Variants in ELOVL2 observed in about 807,000 individuals in gnomAD.
ELOVL2 encodes the protein very long chain fatty acid elongase 2.
A neutral mutation model predicts 37.7 loss-of-function variants in ELOVL2; 38 were observed. That is an observed-to-expected ratio of 1.01 (90% CI 0.78 to 1.32). ELOVL2 has a LOEUF of 1.32. Ranked by LOEUF, ELOVL2 falls within the 40% of genes most tolerant of loss-of-function variation. The pLI is 0.00. For synonymous variants in ELOVL2, 115 were observed against 122.3 expected, an observed-to-expected ratio of 0.94 and a Z score of 0.40; for missense variants, 352 against 363.6, an observed-to-expected ratio of 0.97 and a Z score of 0.26.
intron 5 of ELOVL2, 138 bp from the exon 6 acceptor site, chr6:10,990,580 TAATA>T: frequency 2.6e-6 from 2 of 769,286 alleles, no homozygotes; most frequent in Non-Finnish European, 3.7e-6. Flanking sequence ...AAATCCACAC[TAATA>T]AATTCCCCAA....
In ELOVL2 at chr6:11,032,691, A is replaced by G. The variant is rs371087072; in HGVS notation, c.3+11537T>C. Among the ~76,000 whole-genome samples the G allele has an allele frequency of 7.2e-5, 11 of 152,368 alleles. No homozygotes were observed. The East Asian group carries it at 1.9e-3, about 27-fold the overall frequency. ...TCATTTATCAGACAAGTATTATTTG[A>G]GCATCTACTGTCTGCAGGTACCTTT... On this transcript the variant is annotated intron_variant, in intron 1 of 7. Coordinates refer to ENST00000354666, the MANE Select transcript of ELOVL2 (RefSeq NM_017770.4).
intron 4 of ELOVL2, among the ~76,000 whole-genome samples, chr6:10,999,565 G>A (rs1457218157): frequency 3.3e-5 from 5 of 151,858 alleles, no homozygotes; most frequent in Admixed American, 1.3e-4. Flanking sequence ...TAGTAGAGAC[G>A]GGGTTTCACT....
intron 1 of ELOVL2, among the ~76,000 whole-genome samples, chr6:11,032,421 A>C (rs1782945594): frequency 6.6e-6 from 1 of 151,938 alleles, no homozygotes; most frequent in Admixed American, 6.6e-5. Flanking sequence ...TTTAATCCTT[A>C]GCTTTTTCTA....
chr6:10,987,814 A>T (rs1031837809), intron 7 of ELOVL2, among the ~76,000 whole-genome samples: 1 of 152,120 alleles, frequency 6.6e-6, no homozygotes, highest in African/African-American at 2.4e-5. Flanking sequence ...AATACCTGGG[A>T]TTCTGGCTTG....
chr6:10,992,249 A>G (rs147551794), intron 5 of ELOVL2, among the ~76,000 whole-genome samples: 1 of 152,286 alleles, frequency 6.6e-6, no homozygotes, highest in East Asian at 1.9e-4. Context: ...TGATACTCCA[A>G]ATATCTCTGG....
At chr6:11,009,310 C>G (rs1255744549) in intron 2 of ELOVL2, among the ~76,000 whole-genome samples, 1 of 152,110 alleles carries the variant, frequency 6.6e-6, no homozygotes, top group African/African-American at 2.4e-5. Context: ...ACATATACAC[C>G]TATGGAAAAT....
intron 1 of ELOVL2, among the ~76,000 whole-genome samples, chr6:11,042,179 G>A (rs1194093003): frequency 6.6e-6 from 1 of 152,106 alleles, no homozygotes; most frequent in Non-Finnish European, 1.5e-5. Context: ...CTGGTGTGGT[G>A]ACGTGCGCCT....
chr6:10,995,752 T>C lies in ELOVL2; in HGVS notation c.334-574A>G, dbSNP rs74735176. 3.3e-3 allele frequency among the ~76,000 whole-genome samples: 498 copies of C among 152,340 alleles called. 1 individual carries two copies. Among genetic ancestry groups the C allele is most frequent in the African/African-American group, 0.011 (478 of 41,586 alleles). On this transcript the variant is annotated intron_variant, in intron 4 of 7. Coordinates refer to ENST00000354666, the MANE Select transcript of ELOVL2 (RefSeq NM_017770.4). ...GTGGCTCCATAATCAATAGACATAA[T>C]AGGGTGTAGCTAGTGTTACGAATCT... is the stretch of plus-strand genomic sequence containing the variant.
chr6:10,984,778 G>A (rs1782015736), intron 7 of ELOVL2, among the ~76,000 whole-genome samples: 1 of 151,804 alleles, frequency 6.6e-6, no homozygotes, highest in Admixed American at 6.6e-5. Context: ...CATTTGGGTT[G>A]GTTCCAAGTC....
Position 11,044,200 on chromosome 6 carries a change from G to C in ELOVL2, c.3+28C>G, listed in dbSNP as rs1452029980. On this transcript the variant is annotated intron_variant, in intron 1 of 7. Coordinates refer to ENST00000354666, the MANE Select transcript of ELOVL2 (RefSeq NM_017770.4). This position sits in a 1 kb window ranked among gnomAD's most constrained non-coding sequence, Gnocchi z 5.6. ...CAGGAGAGAAAGAAAGCGCGGCGGT[G>C]TCGGTGGCGGCGCGCGGCCCCACTC... is the stretch of plus-strand genomic sequence containing the variant. 1.4e-6 allele frequency: 2 copies of C among 1,452,534 alleles called. No individual in the cohort carries two copies. The highest frequency in any genetic ancestry group is 1.8e-6 in the Non-Finnish European group (2 of 1,101,272). 90.0% of individuals were successfully genotyped at this position (1,452,534 alleles called of 1,614,324 possible).
At chr6:11,018,379 A>C (rs538690945) in intron 1 of ELOVL2, among the ~76,000 whole-genome samples, 1 of 152,342 alleles carries the variant, frequency 6.6e-6, no homozygotes, top group East Asian at 1.9e-4. Flanking sequence ...GAGTCAAATA[A>C]GCCACCACGA....
intron 7 of ELOVL2, among the ~76,000 whole-genome samples, chr6:10,986,924 G>A (rs1222924114): frequency 6.6e-6 from 1 of 152,158 alleles, no homozygotes; most frequent in Non-Finnish European, 1.5e-5. Context: ...AGAAGGAATG[G>A]TACCAGTTCC....
chr6:11,043,968 G>T, intron 1 of ELOVL2: 1 of 321,636 alleles, frequency 3.1e-6, no homozygotes, highest in South Asian at 1.5e-4. Context: ...TCGAGGTGCC[G>T]GGGCGGGACC....
chr6:11,042,111 G>C (rs1241942809), intron 1 of ELOVL2, among the ~76,000 whole-genome samples: 1 of 152,032 alleles, frequency 6.6e-6, no homozygotes, highest in African/African-American at 2.4e-5. Context: ...TCAGGAGTTA[G>C]AGACCAAACT....
At chr6:10,985,892 T>C (rs2113463109) in intron 7 of ELOVL2, among the ~76,000 whole-genome samples, 1 of 152,186 alleles carries the variant, frequency 6.6e-6, no homozygotes, top group East Asian at 1.9e-4. Flanking sequence ...AAGAAAGTCA[T>C]TGGTAGCTTG....
chr6:11,012,606 C>A (rs563768261), intron 1 of ELOVL2, among the ~76,000 whole-genome samples: 5 of 152,080 alleles, frequency 3.3e-5, no homozygotes, highest in African/African-American at 1.2e-4. Context: ...GCTAAGAAAA[C>A]GCTAAAGGTC....
intron 1 of ELOVL2, among the ~76,000 whole-genome samples, chr6:11,031,891 C>T (rs1221991052): frequency 2.0e-5 from 3 of 152,164 alleles, no homozygotes; most frequent in Non-Finnish European, 4.4e-5. Flanking sequence ...TTTGTCCCAA[C>T]ATCATTCCTC....
chr6:10,996,976 C>A (rs1782281916), intron 4 of ELOVL2, among the ~76,000 whole-genome samples: 1 of 152,194 alleles, frequency 6.6e-6, no homozygotes, highest in South Asian at 2.1e-4. Context: ...CACCACTGCA[C>A]TCCAGCCTGG....
intron 3 of ELOVL2, among the ~76,000 whole-genome samples, chr6:11,004,084 A>G (rs899020079): frequency 1.4e-5 from 2 of 147,722 alleles, no homozygotes; most frequent in African/African-American, 2.5e-5. Context: ...CTCTGCCTCA[A>G]AAAAAAAAAA....
Sources: allele counts gnomAD v4.1 joint callset (sites outside exome capture counted in the v4.1 genomes callset), GRCh38; gene constraint gnomAD v4.1.1; non-coding constraint Gnocchi (gnomAD v3.1); transcripts MANE v1.5; gene names NCBI Gene and HGNC (gene_info 2026-07-23, HGNC 2026-07-21).